HOMER1: variants seen among roughly 807,000 people sequenced by gnomAD.
HOMER1 encodes the protein homer scaffold protein 1.
A neutral mutation model predicts 48.9 loss-of-function variants in HOMER1; 3 were observed. The observed-to-expected ratio is 0.06, with a 90% CI of 0.03 to 0.16. The LOEUF (loss-of-function observed/expected upper bound fraction) is 0.16. Ranked by LOEUF, HOMER1 falls within the 10% of genes least tolerant of loss-of-function variation. The probability of loss-of-function intolerance (pLI) is 1.00; values close to 1 mark genes in which losing one functional copy is unlikely to be tolerated. For missense variants in HOMER1, 247 were observed against 411.4 expected, an observed-to-expected ratio of 0.60 and a Z score of 3.46; for synonymous variants, 134 against 146.4, an observed-to-expected ratio of 0.92 and a Z score of 0.61.
intron 1 of HOMER1, among the ~76,000 whole-genome samples, chr5:79,492,079 A>C (rs1401958157): frequency 2.0e-5 from 3 of 152,254 alleles, no homozygotes; most frequent in Non-Finnish European, 2.9e-5. Context: ...AGGTTAAAAA[A>C]GTCCTCTAAA....
Position 79,494,556 on chromosome 5 carries a change from A to C in HOMER1, c.5+18214T>G, listed in dbSNP as rs551636121. On this transcript the variant is annotated intron_variant, in intron 1 of 8. Coordinates refer to ENST00000334082, the MANE Select transcript of HOMER1 (RefSeq NM_004272.5). The stretch of plus-strand genomic sequence containing the variant: ...TACTCTTGACTAAATTGCTGCCATT[A>C]ACCTATCTTGCAATTAAATTTGAGT... Among the ~76,000 whole-genome samples the C allele has an allele frequency of 3.1e-4, 47 of 152,330 alleles. No homozygotes were observed. The South Asian group carries it at 6.4e-3, about 21-fold the overall frequency.
intron 3 of HOMER1, among the ~76,000 whole-genome samples, chr5:79,447,985 C>G (rs1750929320): frequency 6.6e-6 from 1 of 152,122 alleles, no homozygotes; most frequent in Admixed American, 6.5e-5. Flanking sequence ...GTTCCTTTCT[C>G]AAACCCTCAT....
intron 5 of HOMER1, among the ~76,000 whole-genome samples, chr5:79,407,799 T>C (rs1174214148): frequency 6.6e-6 from 1 of 152,136 alleles, no homozygotes; most frequent in Non-Finnish European, 1.5e-5. Flanking sequence ...ATAAAAGACA[T>C]GAAACCACAG....
At chr5:79,509,362 C>G (rs1752870344) in intron 1 of HOMER1, among the ~76,000 whole-genome samples, 1 of 152,168 alleles carries the variant, frequency 6.6e-6, no homozygotes, top group African/African-American at 2.4e-5. Context: ...CACTAGGTTG[C>G]CAAAATGAGC....
At chr5:79,446,562 T>A (rs548990558) in intron 4 of HOMER1, among the ~76,000 whole-genome samples, 3 of 152,216 alleles carry the variant, frequency 2.0e-5, no homozygotes, top group African/African-American at 7.2e-5. Flanking sequence ...GAAATTTTGA[T>A]TACAAATATT....
chr5:79,396,948 G>T (rs768002979), intron 7 of HOMER1, 45 bp from the exon 8 acceptor site: 3 of 1,031,706 alleles, frequency 2.9e-6, no homozygotes, highest in Non-Finnish European at 4.4e-6. Context: ...CTATATCAAG[G>T]CAAGGGAAGG....
intron 1 of HOMER1, among the ~76,000 whole-genome samples, chr5:79,501,104 G>A (rs746022608): frequency 3.3e-5 from 5 of 151,956 alleles, no homozygotes; most frequent in Non-Finnish European, 7.4e-5. Flanking sequence ...CCCAGTAGCT[G>A]GGACTACAGA....
intron 2 of HOMER1, among the ~76,000 whole-genome samples, chr5:79,453,021 A>G (rs777844125): frequency 9.9e-5 from 15 of 152,220 alleles, no homozygotes; most frequent in Non-Finnish European, 1.6e-4. Flanking sequence ...TTAAATGCCA[A>G]GCACAGTTCT....
chr5:79,441,025 T>C (rs1311582088), intron 4 of HOMER1, among the ~76,000 whole-genome samples: 1 of 152,092 alleles, frequency 6.6e-6, no homozygotes, highest in Non-Finnish European at 1.5e-5. Flanking sequence ...CTGGGCATGA[T>C]GGCAGGTGCC....
At chr5:79,488,465 T>C (rs1752179810) in intron 1 of HOMER1, among the ~76,000 whole-genome samples, 1 of 152,256 alleles carries the variant, frequency 6.6e-6, no homozygotes, top group South Asian at 2.1e-4. Flanking sequence ...ACTTCCATTC[T>C]AGTTTATACA....
intron 1 of HOMER1, among the ~76,000 whole-genome samples, chr5:79,489,476 G>A (rs1232444020): frequency 6.6e-6 from 1 of 152,084 alleles, no homozygotes; most frequent in African/African-American, 2.4e-5. Flanking sequence ...AGAATTGCTT[G>A]AACCCAGGAG....
intron 1 of HOMER1, among the ~76,000 whole-genome samples, chr5:79,478,165 T>C (rs1022763321): frequency 2.0e-5 from 3 of 152,244 alleles, no homozygotes; most frequent in African/African-American, 7.2e-5. Context: ...TTTCTATTAC[T>C]GTTCTGTACT....
At chr5:79,482,780 G>C (rs1050999016) in intron 1 of HOMER1, among the ~76,000 whole-genome samples, 2 of 151,848 alleles carry the variant, frequency 1.3e-5, no homozygotes, top group Non-Finnish European at 2.9e-5. Context: ...GGAGAATCTT[G>C]AGGCCAGGAG....
At chr5:79,407,417 A>C (rs868119168) in intron 5 of HOMER1, among the ~76,000 whole-genome samples, 3 of 152,256 alleles carry the variant, frequency 2.0e-5, no homozygotes, top group Non-Finnish European at 2.9e-5. Flanking sequence ...CAAGGAAGTA[A>C]GATAGCAATG....
intron 1 of HOMER1, among the ~76,000 whole-genome samples, chr5:79,488,399 C>T (rs1244188035): frequency 6.6e-6 from 1 of 152,330 alleles, no homozygotes; most frequent in East Asian, 1.9e-4. Flanking sequence ...AATCTGGATT[C>T]CACTGTGGCA....
intron 7 of HOMER1, 54 bp from the exon 8 acceptor site, chr5:79,396,957 G>A: frequency 2.1e-6 from 2 of 964,598 alleles, no homozygotes; most frequent in South Asian, 1.5e-5. Flanking sequence ...GGCAAGGGAA[G>A]GTCTTGTTTT....
chr5:79,478,141 C>T (rs893913612), intron 1 of HOMER1, among the ~76,000 whole-genome samples: 13 of 152,144 alleles, frequency 8.5e-5, no homozygotes, highest in African/African-American at 2.7e-4. Context: ...CTTCTGGTTC[C>T]AAAATCAGAG....
At chr5:79,508,643 T>C (rs1425963207) in intron 1 of HOMER1, among the ~76,000 whole-genome samples, 1 of 152,194 alleles carries the variant, frequency 6.6e-6, no homozygotes, top group Non-Finnish European at 1.5e-5. Flanking sequence ...GCCCTCTTAT[T>C]TGTCTAAGAG....
chr5:79,393,613 T>C (rs1358674417), intron 8 of HOMER1, among the ~76,000 whole-genome samples: 1 of 152,226 alleles, frequency 6.6e-6, no homozygotes, highest in Non-Finnish European at 1.5e-5. Flanking sequence ...TACCCTGCTT[T>C]TCCAGATGTC....
Sources: gnomAD v4.1 joint callset for allele counts (sites outside exome capture counted in the v4.1 genomes callset) on GRCh38, gnomAD v4.1.1 for gene constraint, MANE v1.5 for transcripts, NCBI Gene and HGNC (gene_info 2026-07-23, HGNC 2026-07-21) for gene names.